Variants in BMP2K observed in about 807,000 individuals in gnomAD.
BMP2K encodes BMP2 inducible kinase.
BMP2K carries 74 observed loss-of-function variants against 116.0 expected under a neutral mutation model. That is an observed-to-expected ratio of 0.64 (90% CI 0.53 to 0.77). The LOEUF is 0.77. Ranked by LOEUF, BMP2K falls within the 30% of genes least tolerant of loss-of-function variation. BMP2K has a pLI of 0.00. For synonymous variants in BMP2K, 486 were observed against 502.5 expected, an observed-to-expected ratio of 0.97 and a Z score of 0.44; for missense variants, 1,365 against 1,403.6, an observed-to-expected ratio of 0.97 and a Z score of 0.44.
At chr4:78,789,929 G>A (rs917385635) in intron 1 of BMP2K, among the ~76,000 whole-genome samples, 17 of 152,200 alleles carry the variant, frequency 1.1e-4, no homozygotes, top group African/African-American at 3.6e-4. Context: ...GTTATGGCGC[G>A]TGGAGTCTGA....
intron 15 of BMP2K, among the ~76,000 whole-genome samples, chr4:78,901,905 A>G (rs772529322): frequency 2.7e-4 from 41 of 152,210 alleles, no homozygotes; most frequent in Non-Finnish European, 4.1e-4. Context: ...CAATGCTCCC[A>G]AAGACCCTAG....
At chr4:78,781,531 G>T (rs575981677) in intron 1 of BMP2K, among the ~76,000 whole-genome samples, 2 of 152,090 alleles carry the variant, frequency 1.3e-5, no homozygotes, top group South Asian at 2.1e-4. Context: ...TGGGAAGCTG[G>T]GTATGTCGTC....
intron 5 of BMP2K, 57 bp from the exon 6 acceptor site, chr4:78,847,127 ATCTG>A (rs1731040540): frequency 1.1e-6 from 1 of 939,694 alleles, no homozygotes; most frequent in Admixed American, 3.7e-5. Context: ...ACAATGTATT[ATCTG>A]TCTTTTTTTT....
chr4:78,786,131 T>A (rs1314169913), intron 1 of BMP2K, among the ~76,000 whole-genome samples: 1 of 152,128 alleles, frequency 6.6e-6, no homozygotes, highest in Non-Finnish European at 1.5e-5. Flanking sequence ...CCGCAATTCA[T>A]ATGTTGAAAT....
intron 13 of BMP2K, 110 bp from the exon 14 acceptor site, chr4:78,878,624 A>G (rs1415528596): frequency 1.1e-6 from 1 of 902,552 alleles, no homozygotes; most frequent in African/African-American, 1.7e-5. Context: ...TCATAAGGAA[A>G]TGATTTGGTT....
intron 13 of BMP2K, among the ~76,000 whole-genome samples, chr4:78,874,341 AT>A (rs1732533232): frequency 6.6e-6 from 1 of 152,252 alleles, no homozygotes; most frequent in Non-Finnish European, 1.5e-5. Context: ...CATATTATAC[AT>A]TTTAAACAAA....
chr4:78,802,776 T>G (rs28580580), intron 1 of BMP2K, among the ~76,000 whole-genome samples: 2,870 of 152,294 alleles, frequency 0.019, 85 homozygotes, highest in African/African-American at 0.062. Flanking sequence ...CTCTATTATA[T>G]TCTATAGTCC....
rs552874839 is a variant in BMP2K at position 78,854,379 on chromosome 4, T to A, written c.883+3323T>A. On this transcript the variant is annotated intron_variant, in intron 7 of 15. Coordinates refer to ENST00000502613, the MANE Select transcript of BMP2K (RefSeq NM_198892.2). ...ACCTCTGCCTCCCAGTTTCAAGAGA[T>A]TCTCCTGCCACAGCCTCCTGAGTAG... Among the ~76,000 whole-genome samples the A allele has an allele frequency of 3.3e-5, 5 of 152,148 alleles. No homozygotes were observed. The East Asian group carries it at 7.7e-4, about 24-fold the overall frequency.
At chr4:78,821,934 C>A (rs945849333) in intron 1 of BMP2K, among the ~76,000 whole-genome samples, 1 of 152,028 alleles carries the variant, frequency 6.6e-6, no homozygotes, top group African/African-American at 2.4e-5. Flanking sequence ...ATGGAAATGA[C>A]AAAGCATGGA....
At chr4:78,828,031 A>G (rs989786804) in intron 2 of BMP2K, among the ~76,000 whole-genome samples, 4 of 152,166 alleles carry the variant, frequency 2.6e-5, no homozygotes, top group Admixed American at 2.6e-4. Flanking sequence ...GCTTAAGAGT[A>G]TCTCCTTCTT....
chr4:78,840,741 A>G (rs1422039808), intron 3 of BMP2K, among the ~76,000 whole-genome samples: 3 of 152,114 alleles, frequency 2.0e-5, no homozygotes, highest in Non-Finnish European at 2.9e-5. Flanking sequence ...AGTTTTCTCT[A>G]GGGACTTGTT....
chr4:78,797,414 T>C (rs1728351375), intron 1 of BMP2K, among the ~76,000 whole-genome samples: 1 of 152,214 alleles, frequency 6.6e-6, no homozygotes, highest in Non-Finnish European at 1.5e-5. Context: ...GCAAAGATTC[T>C]TAAATTTCAT....
intron 13 of BMP2K, 147 bp downstream of exon 13, chr4:78,872,945 GTCCCTTGGCA>G: frequency 1.2e-6 from 1 of 822,052 alleles, no homozygotes; most frequent in Non-Finnish European, 1.8e-6. Flanking sequence ...CTGTCTTCTG[GTCCCTTGGCA>G]TCCCCATCCT....
intron 1 of BMP2K, among the ~76,000 whole-genome samples, chr4:78,783,902 A>C (rs759712218): frequency 4.6e-5 from 7 of 152,212 alleles, no homozygotes; most frequent in African/African-American, 7.2e-5. Context: ...GTAGTCAACT[A>C]TTGTGGTTAA....
At position 78,850,983 on chromosome 4, in the gene BMP2K, G is replaced by A. The variant is rs750000743; in HGVS notation, c.810G>A (p.Gln270=). Residue 270 remains glutamine (Q), a synonymous_variant, in exon 7 of 16, where the codon CAG becomes CAA. Coordinates refer to ENST00000502613, the MANE Select transcript of BMP2K (RefSeq NM_198892.2). ...TCACTCTTCCTTTTGGTGAGAGTCAGGTTGCTATCTGTGATGGCAACTTCA... is the reference window on the plus strand; with the variant it reads ...TCACTCTTCCTTTTGGTGAGAGTCAAGTTGCTATCTGTGATGGCAACTTCA... ...CFFTLPFGES[Q]VAICDGNFTI... 3.7e-6 allele frequency: 6 copies of A among 1,612,114 alleles called. No homozygotes were observed. In the East Asian group the frequency reaches 1.3e-4, roughly 36 times the overall value.
At chr4:78,791,125 T>A (rs1175030962) in intron 1 of BMP2K, among the ~76,000 whole-genome samples, 1 of 152,210 alleles carries the variant, frequency 6.6e-6, no homozygotes. Flanking sequence ...TAAGCCTGTT[T>A]AATTTCAAAA....
At chr4:78,884,256 G>A (rs1300932774) in intron 14 of BMP2K, among the ~76,000 whole-genome samples, 1 of 152,166 alleles carries the variant, frequency 6.6e-6, no homozygotes, top group Non-Finnish European at 1.5e-5. Context: ...GAACCTGAGA[G>A]GTTGAGGCCA....
chr4:78,798,290 TTA>T (rs1728397344), intron 1 of BMP2K, among the ~76,000 whole-genome samples: 1 of 152,044 alleles, frequency 6.6e-6, no homozygotes, highest in African/African-American at 2.4e-5. Flanking sequence ...TTGCAAGAAA[TTA>T]TATAAGATTT....
At chr4:78,833,720 A>T (rs774933681) in intron 3 of BMP2K, 33 bp downstream of exon 3, 33 of 1,477,840 alleles carry the variant, frequency 2.2e-5, no homozygotes, top group Non-Finnish European at 2.9e-5. Flanking sequence ...ACTGTAATAA[A>T]AAGTTTCTCC....
Sources: allele counts gnomAD v4.1 joint callset (sites outside exome capture counted in the v4.1 genomes callset), GRCh38; gene constraint gnomAD v4.1.1; transcripts MANE v1.5; gene names NCBI Gene and HGNC (gene_info 2026-07-23, HGNC 2026-07-21).